Variants in BRD1 observed in about 807,000 individuals in gnomAD.
BRD1 encodes bromodomain-containing protein 1.
Under a neutral mutation model 107.7 loss-of-function variants are expected in BRD1, and 24 were observed. The ratio of observed to expected loss-of-function variants is 0.22; its 90% CI spans 0.16 to 0.31. The LOEUF is 0.31. BRD1 is among the 10% of genes least tolerant of loss of function. The pLI is 1.00. For missense variants in BRD1, 1,279 were observed against 1,638.6 expected (o/e 0.78, Z 3.79); for synonymous variants, 744 against 686.1 (o/e 1.08, Z -1.32).
intron 7 of BRD1, among the ~76,000 whole-genome samples, chr22:49,789,833 A>G (rs1002223383): frequency 3.8e-4 from 58 of 152,010 alleles, no homozygotes; most frequent in African/African-American, 1.3e-3. Flanking sequence ...GCCCTCCCCA[A>G]CCATGGTCCA....
intron 3 of BRD1, among the ~76,000 whole-genome samples, chr22:49,802,902 C>A (rs1212865287): frequency 6.6e-6 from 1 of 152,258 alleles, no homozygotes; most frequent in Non-Finnish European, 1.5e-5. Flanking sequence ...AAGACATTCA[C>A]TGAAGCCTCA....
At chr22:49,793,558 G>A (rs1569105127) in intron 7 of BRD1, among the ~76,000 whole-genome samples, 1 of 152,220 alleles carries the variant, frequency 6.6e-6, no homozygotes. Flanking sequence ...CACAACATCA[G>A]GGAGGAGTGT....
chr22:49,790,119 A>C (rs2147071844), intron 7 of BRD1, among the ~76,000 whole-genome samples: 1 of 152,344 alleles, frequency 6.6e-6, no homozygotes, highest in South Asian at 2.1e-4. Context: ...TCAGGAACAG[A>C]GGTCGCTGTC....
At chr22:49,821,039 G>A (rs544832818) in intron 2 of BRD1, 2 of 152,334 alleles carry the variant, frequency 1.3e-5, no homozygotes, top group Non-Finnish European at 2.9e-5. Context: ...CACACAGTAC[G>A]CGGTTTAGCT....
Position 49,799,198 on chromosome 22 carries a change from C to T in BRD1, c.1525-79G>A, listed in dbSNP as rs1357391541. 2.6e-6 allele frequency: 4 copies of T among 1,537,952 alleles called. No homozygotes were observed. The East Asian group carries it at 6.8e-5, about 26-fold the overall frequency. ...GGCCTCAGATACCATGCAGGTGAGA[C>T]CCCAAGAGGCATCCACGTCAGGGGT... On this transcript the variant is annotated intron_variant, in intron 3 of 12. Coordinates refer to ENST00000404760, the MANE Select transcript of BRD1 (RefSeq NM_001304808.3).
intron 5 of BRD1, 33 bp downstream of exon 5, chr22:49,798,525 G>A (rs377120984): frequency 4.3e-6 from 7 of 1,614,028 alleles, no homozygotes; most frequent in Non-Finnish European, 5.9e-6. Flanking sequence ...AGTCACACAT[G>A]CGGCAGGACA....
rs1000766201 is a variant in BRD1, at chr22:49,792,381, G to A, written c.2359+1653C>T. The stretch of plus-strand genomic sequence containing the variant: ...GGCCCACACAGCCAGAGGATGCCTC[G>A]GTGGGCTGCACGGAAGCAAAGGCTG... On this transcript the variant is annotated intron_variant, in intron 7 of 12. Transcript: ENST00000404760. This position sits in a 1 kb window ranked among gnomAD's most constrained non-coding sequence, Gnocchi z 4.2. Among the ~76,000 whole-genome samples the A allele has an allele frequency of 3.9e-5, 6 of 152,120 alleles. No individual in the cohort carries two copies. The South Asian group carries it at 8.3e-4, about 21-fold the overall frequency.
chr22:49,788,199 G>T (rs1364431722), intron 7 of BRD1, among the ~76,000 whole-genome samples: 3 of 152,200 alleles, frequency 2.0e-5, no homozygotes, highest in Non-Finnish European at 2.9e-5. Context: ...TTTCTGCAAT[G>T]AATAATTCAC....
chr22:49,776,426 G>A (rs776232348), intron 10 of BRD1, among the ~76,000 whole-genome samples: 1 of 152,142 alleles, frequency 6.6e-6, no homozygotes, highest in African/African-American at 2.4e-5. Flanking sequence ...CCAACTCCAG[G>A]TGCCCAGCAC....
At chr22:49,794,428 C>T in intron 6 of BRD1, 134 bp from the exon 7 acceptor site, 1 of 1,164,280 alleles carries the variant, frequency 8.6e-7, no homozygotes, top group Non-Finnish European at 1.2e-6. Context: ...CCAGGCCCTG[C>T]TCACCAGAGG....
rs113629916 is a variant in BRD1, at chr22:49,786,820, A to C, written c.2857+570T>G. Among the ~76,000 whole-genome samples the C allele has an allele frequency of 1.1e-3, 168 of 152,274 alleles. 1 individual carries two copies. The highest frequency in any genetic ancestry group is 3.8e-3 in the African/African-American group (159 of 41,560). ...ATTCATTCTCAGTACTTTTTTAAAG[A>C]TCAGAAGGGGCCAGGTGCAGCGGCT... On this transcript the variant is annotated intron_variant, in intron 8 of 12. Coordinates refer to ENST00000404760, the MANE Select transcript of BRD1 (RefSeq NM_001304808.3).
chr22:49,823,974 C>G lies in BRD1; in HGVS notation c.344G>C (p.Ser115Thr). The change falls in exon 2 of 13, where the codon AGT (serine) becomes ACT (threonine). Residue 115 changes from serine to threonine, a missense_variant. By Grantham distance (58) the Ser-to-Thr change is moderately conservative (BLOSUM62 1). This residue lies in a region of BRD1 where 223 missense variants were observed against 263.5 expected (regional missense o/e 0.85). Transcript: ENST00000404760. Reference sequence around the variant, plus strand: ...GCGCACCTTGGGCTCCGGGAGGGCACTGGCCGAGGCCGGCGTGCCGTGGGC... The same window carrying G: ...GCGCACCTTGGGCTCCGGGAGGGCAGTGGCCGAGGCCGGCGTGCCGTGGGC... ...PSAHGTPASASALPEPKVRIV... is the reference protein window; with the variant it reads ...PSAHGTPASATALPEPKVRIV... 1 of 1,614,016 alleles carries G rather than the reference C, an allele frequency of 6.2e-7. No individual in the cohort carries two copies. Among genetic ancestry groups the G allele is most frequent in the Non-Finnish European group, 8.5e-7 (1 of 1,180,032 alleles).
chr22:49,789,617 C>T (rs1262226121), intron 7 of BRD1, among the ~76,000 whole-genome samples: 1 of 152,192 alleles, frequency 6.6e-6, no homozygotes, highest in African/African-American at 2.4e-5. Flanking sequence ...CAACAGCACC[C>T]GGCCAGCAGA....
intron 6 of BRD1, 147 bp downstream of exon 6, chr22:49,797,658 G>A (rs1651535802): frequency 4.2e-6 from 3 of 717,038 alleles, no homozygotes; most frequent in Non-Finnish European, 6.4e-6. Flanking sequence ...ATTTTTCAGT[G>A]AGGCTACTAG....
chr22:49,824,473 G>A lies in BRD1; in HGVS notation c.-14-142C>T. ...AACTCACAGCTAACCTCTTTCCAAG[G>A]TGTCCAAAACCACACATCCAGGCCT... On this transcript the variant is annotated intron_variant, in intron 1 of 12. Transcript: ENST00000404760. The surrounding 1 kb of genome is among the most constrained non-coding windows in gnomAD (Gnocchi z 5.9). 6.9e-7 allele frequency: 1 copy of A among 1,446,828 alleles called. No individual in the cohort carries two copies. Among genetic ancestry groups the A allele is most frequent in the South Asian group, 1.5e-5 (1 of 68,306 alleles). The allele number at this position is 1,446,828 out of a possible 1,614,324, so 89.6% of individuals were successfully genotyped here. A position where few individuals can be genotyped will look rare whatever the true frequency, so the allele number is the denominator to read the frequency against.
intron 2 of BRD1, among the ~76,000 whole-genome samples, chr22:49,819,684 C>T (rs1467056243): frequency 6.6e-6 from 1 of 151,488 alleles, no homozygotes; most frequent in Non-Finnish European, 1.5e-5. Flanking sequence ...CTCCTGACCT[C>T]GTGATCTACC....
intron 6 of BRD1, among the ~76,000 whole-genome samples, 170 bp from the exon 7 acceptor site, chr22:49,794,464 G>A (rs184913458): frequency 1.2e-4 from 19 of 152,350 alleles, no homozygotes; most frequent in Admixed American, 3.9e-4. Flanking sequence ...CTGAACCCAC[G>A]AGTAGCTGCT....
intron 2 of BRD1, among the ~76,000 whole-genome samples, 181 bp downstream of exon 2, chr22:49,822,767 TACA>T (rs769554397): frequency 1.3e-5 from 2 of 152,030 alleles, no homozygotes; most frequent in East Asian, 1.9e-4. Flanking sequence ...TAAAATCTTT[TACA>T]ACATCTATTC....
Position 49,777,004 on chromosome 22 carries a change from G to C in BRD1, c.3121+30C>G, listed in dbSNP as rs1443705688. ...TAAGACGCTAACCAGGAGGTGTGGA[G>C]AGCCATGGAGGCAGGTCCGGGCGAC... On this transcript the variant is annotated intron_variant, in intron 10 of 12. Transcript: ENST00000404760. 5 of 1,612,078 alleles carry C rather than the reference G, an allele frequency of 3.1e-6. No individual in the cohort carries two copies. The East Asian group carries it at 8.9e-5, about 29-fold the overall frequency.
Sources: allele counts gnomAD v4.1 joint callset (sites outside exome capture counted in the v4.1 genomes callset), GRCh38; gene constraint gnomAD v4.1.1; regional missense constraint gnomAD v4.1.1; non-coding constraint Gnocchi (gnomAD v3.1); transcripts MANE v1.5; gene names NCBI Gene and HGNC (gene_info 2026-07-23, HGNC 2026-07-21).